Variants in CSNK1A1 observed in about 807,000 individuals in gnomAD.
CSNK1A1 encodes the protein casein kinase 1 alpha 1, also known as casein kinase I isoform alpha.
In CSNK1A1, 7 loss-of-function variants were observed where a neutral mutation model predicts 46.1. That is an observed-to-expected ratio of 0.15 (90% CI 0.09 to 0.29). The LOEUF is 0.29. Ranked by LOEUF, CSNK1A1 falls within the 10% of genes least tolerant of loss-of-function variation. The pLI, the probability that CSNK1A1 is intolerant of heterozygous loss-of-function variation, is 1.00. For synonymous variants in CSNK1A1, 137 were observed against 141.5 expected (o/e 0.97, Z 0.23); for missense variants, 96 against 417.1 (o/e 0.23, Z 6.71).
At position 149,509,344 on chromosome 5, in the gene CSNK1A1, CA is replaced by C. The variant is rs2113080162; in HGVS notation, c.750+534del. Among the ~76,000 whole-genome samples the C allele has an allele frequency of 1.3e-5, 2 of 152,300 alleles. 1 individual carries two copies. The highest frequency in any genetic ancestry group is 4.1e-4 in the South Asian group (2 of 4,824). ...TCAATGTTACAAGTTCCAGAGCTGG[CA>C]AATAAAATGTTCCTTTTTCTTCCTG... On this transcript the variant is annotated intron_variant, in intron 7 of 9. Coordinates refer to ENST00000377843, the MANE Select transcript of CSNK1A1 (RefSeq NM_001892.6).
intron 4 of CSNK1A1, among the ~76,000 whole-genome samples, chr5:149,516,475 T>C (rs1580833614): frequency 6.6e-6 from 1 of 152,250 alleles, no homozygotes; most frequent in East Asian, 1.9e-4. Flanking sequence ...TGCAGCATTT[T>C]TTTTTTTTTC....
intron 9 of CSNK1A1, chr5:149,501,193 A>G (rs1282803643): frequency 2.0e-6 from 2 of 985,392 alleles, no homozygotes; most frequent in Non-Finnish European, 2.4e-6. Flanking sequence ...GATGACCACA[A>G]ACCAACTCTT....
At chr5:149,542,692 A>ATATT (rs1762340035) in intron 2 of CSNK1A1, among the ~76,000 whole-genome samples, 1 of 16,194 alleles carries the variant, frequency 6.2e-5, no homozygotes, top group Admixed American at 1.3e-3. Context: ...ATATATATAT[A>ATATT]TTTTTTTTTT....
Position 149,550,260 on chromosome 5 carries a change from A to C in CSNK1A1, c.124-79T>G. 6.5e-7 allele frequency: 1 copy of C among 1,544,198 alleles called. No homozygotes were observed. Among genetic ancestry groups the C allele is most frequent in the Non-Finnish European group, 8.7e-7 (1 of 1,145,638 alleles). On this transcript the variant is annotated intron_variant, in intron 1 of 9. Coordinates refer to ENST00000377843, the MANE Select transcript of CSNK1A1 (RefSeq NM_001892.6). The surrounding 1 kb of genome is among the most constrained non-coding windows in gnomAD (Gnocchi z 4.3). ...CTTAGGAAAGGAGGGAGACATTAGC[A>C]AAACTCCAAGTCGCGACTACAAGAA...
At position 149,493,263 on chromosome 5, in the gene CSNK1A1, G is replaced by A. The variant is rs1760570861; in HGVS notation, c.*3590C>T. 6.6e-6 allele frequency: 1 copy of A among 151,768 alleles called. No homozygotes were observed. The highest frequency in any genetic ancestry group is 6.6e-5 in the Admixed American group (1 of 15,248). 9.4% of individuals were successfully genotyped at this position (151,768 alleles called of 1,614,324 possible). On this transcript the variant is annotated 3_prime_UTR_variant, in exon 10 of 10. Transcript: ENST00000377843. ...TTTTTGTATTTTTAGTAGAGACAGG[G>A]TTTCACTATGTTGGCCAGGCTGGTC...
intron 9 of CSNK1A1, chr5:149,497,110 C>A: frequency 8.1e-7 from 1 of 1,240,864 alleles, no homozygotes; most frequent in Non-Finnish European, 1.0e-6. Flanking sequence ...TCTCAGCATA[C>A]TAAAATAATT....
chr5:149,496,107 T>C lies in CSNK1A1; in HGVS notation c.*746A>G, dbSNP rs890779357. On this transcript the variant is annotated 3_prime_UTR_variant, in exon 10 of 10. Transcript: ENST00000377843. Reference sequence around the variant, plus strand: ...ATTACATTTATCTAAGCAACATACATACATGTTCAGTTGTAAGATGTTAAC... The same window carrying C: ...ATTACATTTATCTAAGCAACATACACACATGTTCAGTTGTAAGATGTTAAC... The C allele has an allele frequency of 2.6e-5, 4 of 152,628 alleles. No homozygotes were observed. Among genetic ancestry groups the C allele is most frequent in the Non-Finnish European group, 5.9e-5 (4 of 68,042 alleles). The allele number at this position is 152,628 out of a possible 1,614,324, so 9.5% of individuals were successfully genotyped here.
intron 2 of CSNK1A1, among the ~76,000 whole-genome samples, chr5:149,538,697 T>C (rs1034356456): frequency 6.6e-6 from 1 of 152,126 alleles, no homozygotes; most frequent in Non-Finnish European, 1.5e-5. Flanking sequence ...CCAAGGCAGC[T>C]GGATCACTTG....
In CSNK1A1 at chr5:149,551,113, A is replaced by C. The variant is rs1331542065; in HGVS notation, c.-149T>G. 28 of 780,056 alleles carry C rather than the reference A, an allele frequency of 3.6e-5. No homozygotes were observed. In the East Asian group the frequency reaches 6.3e-4, roughly 17 times the overall value. 48.3% of individuals were successfully genotyped at this position (780,056 alleles called of 1,614,324 possible). The stretch of plus-strand genomic sequence containing the variant: ...CCTTTACCGGGGTTCGGGGCCCAGA[A>C]TCAGCAGAGGGGAACCTGATCACCG... On this transcript the variant is annotated 5_prime_UTR_variant, in exon 1 of 10. Transcript: ENST00000377843.
intron 9 of CSNK1A1, chr5:149,497,240 T>A (rs1439447141): frequency 1.0e-6 from 1 of 1,004,858 alleles, no homozygotes. Flanking sequence ...GAATACAATT[T>A]TAATCCTACC....
At chr5:149,497,833 GTTCTT>G in intron 9 of CSNK1A1, 1 of 985,222 alleles carries the variant, frequency 1.0e-6, no homozygotes, top group Non-Finnish European at 1.2e-6. Context: ...TTTTCTTTTA[GTTCTT>G]TTTTCTTTTT....
chr5:149,542,090 T>C (rs1762250973), intron 2 of CSNK1A1, among the ~76,000 whole-genome samples: 1 of 151,782 alleles, frequency 6.6e-6, no homozygotes, highest in South Asian at 2.1e-4. Context: ...TTCATCTGTA[T>C]TTACAGCCAC....
intron 2 of CSNK1A1, among the ~76,000 whole-genome samples, chr5:149,538,317 C>T (rs571518588): frequency 7.3e-4 from 111 of 152,068 alleles, no homozygotes; most frequent in Non-Finnish European, 1.3e-3. Flanking sequence ...CCACCGCGCC[C>T]GGCTGTCCAG....
At chr5:149,542,663 TATATATATGTATATATATATATATA>T (rs1762330068) in intron 2 of CSNK1A1, among the ~76,000 whole-genome samples, 1 of 11,002 alleles carries the variant, frequency 9.1e-5, no homozygotes, top group African/African-American at 4.0e-4. Flanking sequence ...TATATATATA[TATATATATGTATATATATATATATA>T]TATATTTTTT....
intron 3 of CSNK1A1, among the ~76,000 whole-genome samples, chr5:149,523,078 TC>T (rs1182231398): frequency 6.6e-6 from 1 of 151,308 alleles, no homozygotes; most frequent in Non-Finnish European, 1.5e-5. Flanking sequence ...TCTCGTTCTA[TC>T]CCCCAGGCTG....
At chr5:149,531,739 T>C (rs1367043229) in intron 2 of CSNK1A1, among the ~76,000 whole-genome samples, 2 of 146,154 alleles carry the variant, frequency 1.4e-5, no homozygotes, top group Non-Finnish European at 3.0e-5. Context: ...CACATGGTGG[T>C]GGGGACCTGT....
intron 2 of CSNK1A1, among the ~76,000 whole-genome samples, chr5:149,529,409 G>C (rs1274166874): frequency 1.3e-5 from 2 of 152,136 alleles, no homozygotes; most frequent in Non-Finnish European, 2.9e-5. Context: ...TAAAAATTAA[G>C]ACATACACAA....
chr5:149,509,824 A>G, intron 7 of CSNK1A1, 55 bp downstream of exon 7: 1 of 1,348,344 alleles, frequency 7.4e-7, no homozygotes, highest in Non-Finnish European at 1.0e-6. Context: ...TACAGGTGTG[A>G]GCCATTGTGC....
chr5:149,536,656 AC>A (rs1337887636), intron 2 of CSNK1A1, among the ~76,000 whole-genome samples: 1 of 152,230 alleles, frequency 6.6e-6, no homozygotes, highest in East Asian at 1.9e-4. Context: ...AAGGAATGAT[AC>A]AACCTCAAAG....
Sources: gnomAD v4.1 joint callset for allele counts (sites outside exome capture counted in the v4.1 genomes callset) on GRCh38, gnomAD v4.1.1 for gene constraint, Gnocchi (gnomAD v3.1) non-coding constraint, MANE v1.5 for transcripts, NCBI Gene and HGNC (gene_info 2026-07-23, HGNC 2026-07-21) for gene names.